ESRRB: variants seen among roughly 807,000 people sequenced by gnomAD.
The protein encoded by ESRRB is estrogen related receptor beta, also known as steroid hormone receptor ERR2.
ESRRB carries 16 observed loss-of-function variants against 46.0 expected under a neutral mutation model. The observed-to-expected ratio is 0.35, with a 90% CI of 0.24 to 0.53. The LOEUF is 0.53. Ranked by LOEUF, ESRRB falls within the 20% of genes least tolerant of loss-of-function variation. The pLI, the probability that ESRRB is intolerant of heterozygous loss-of-function variation, is 0.93. For missense variants in ESRRB, 488 were observed against 607.4 expected (o/e 0.80, Z 2.07); for synonymous variants, 246 against 259.6 (o/e 0.95, Z 0.50).
chr14:76,399,465 C>T (rs762792818), intron 1 of ESRRB, among the ~76,000 whole-genome samples: 7 of 152,094 alleles, frequency 4.6e-5, no homozygotes, highest in African/African-American at 7.2e-5. Flanking sequence ...ATGTCCCCGC[C>T]GCTCATTCCT....
intron 1 of ESRRB, among the ~76,000 whole-genome samples, chr14:76,317,662 A>T (rs915434590): frequency 3.9e-5 from 6 of 152,174 alleles, no homozygotes; most frequent in African/African-American, 1.2e-4. Context: ...GGGCTCCGGT[A>T]GTCGGAAGGA....
intron 5 of ESRRB, among the ~76,000 whole-genome samples, chr14:76,485,657 GAGAA>G (rs1160189676): frequency 4.1e-5 from 6 of 146,750 alleles, no homozygotes; most frequent in African/African-American, 1.0e-4. Flanking sequence ...GAGAGAGAGA[GAGAA>G]AGAAAGAGAG....
intron 1 of ESRRB, among the ~76,000 whole-genome samples, chr14:76,336,722 T>TG (rs1884130685): frequency 6.6e-6 from 1 of 152,128 alleles, no homozygotes; most frequent in Non-Finnish European, 1.5e-5. Context: ...GGCATCTGCC[T>TG]GGGGGGCGAT....
intron 1 of ESRRB, among the ~76,000 whole-genome samples, chr14:76,335,637 A>C (rs1169254271): frequency 1.3e-5 from 2 of 152,160 alleles, no homozygotes; most frequent in Non-Finnish European, 2.9e-5. Flanking sequence ...TGTCTTGTAC[A>C]CAGTGGGTGC....
chr14:76,387,510 C>A (rs537215440), intron 1 of ESRRB, among the ~76,000 whole-genome samples: 24 of 152,208 alleles, frequency 1.6e-4, no homozygotes, highest in Non-Finnish European at 2.8e-4. Context: ...TTCACCTTTC[C>A]GAGCCCTGCT....
In ESRRB at chr14:76,500,108, T is replaced by C. The variant is rs754662305; in HGVS notation, c.*1650T>C. 4 of 1,505,336 alleles carry C rather than the reference T, an allele frequency of 2.7e-6. No individual in the cohort carries two copies. The highest frequency in any genetic ancestry group is 3.6e-6 in the Non-Finnish European group (4 of 1,110,956). The allele number at this position is 1,505,336 out of a possible 1,614,324, so 93.2% of individuals were successfully genotyped here. A position where few individuals can be genotyped will look rare whatever the true frequency, so the allele number is the denominator to read the frequency against. On this transcript the variant is annotated 3_prime_UTR_variant, in exon 7 of 7. Transcript: ENST00000644823. The stretch of plus-strand genomic sequence containing the variant: ...TTTCCATAGAAGCCCTGGTCCCACC[T>C]CCTTGGCTCTACCCCAGGAACCTCC...
At chr14:76,493,607 C>A (rs902691507) in intron 6 of ESRRB, among the ~76,000 whole-genome samples, 1 of 152,224 alleles carries the variant, frequency 6.6e-6, no homozygotes, top group Admixed American at 6.5e-5. Flanking sequence ...AAAGGGAGAA[C>A]TGGCTCCCAG....
intron 1 of ESRRB, among the ~76,000 whole-genome samples, chr14:76,402,939 C>T (rs1241203982): frequency 1.3e-5 from 2 of 152,084 alleles, no homozygotes; most frequent in Non-Finnish European, 2.9e-5. Context: ...CACAGGCATA[C>T]ACCATCACAC....
At chr14:76,403,050 C>T (rs577535301) in intron 1 of ESRRB, among the ~76,000 whole-genome samples, 1 of 152,218 alleles carries the variant, frequency 6.6e-6, no homozygotes, top group East Asian at 1.9e-4. Flanking sequence ...CTTGGCTTCC[C>T]AAAGTGCTGG....
At chr14:76,337,932 C>A (rs941902965) in intron 1 of ESRRB, among the ~76,000 whole-genome samples, 24 of 152,228 alleles carry the variant, frequency 1.6e-4, no homozygotes, top group African/African-American at 5.8e-4. Context: ...GCTTTCCATG[C>A]AAGCTTACAT....
At chr14:76,422,638 A>G (rs191092340) in intron 1 of ESRRB, among the ~76,000 whole-genome samples, 1 of 152,338 alleles carries the variant, frequency 6.6e-6, no homozygotes, top group Admixed American at 6.5e-5. Context: ...ATTTTCGAGC[A>G]CTTACAATGT....
intron 1 of ESRRB, among the ~76,000 whole-genome samples, chr14:76,328,197 T>C (rs1769763887): frequency 1.3e-5 from 2 of 152,308 alleles, no homozygotes; most frequent in South Asian, 4.1e-4. Flanking sequence ...CATGCCAATA[T>C]AGGACCTCAG....
intron 1 of ESRRB, among the ~76,000 whole-genome samples, chr14:76,403,376 G>A (rs1886024132): frequency 6.6e-6 from 1 of 152,088 alleles, no homozygotes; most frequent in Non-Finnish European, 1.5e-5. Context: ...ACAAAACAGA[G>A]GCCTCACCAG....
At chr14:76,367,678 T>A (rs1326734036), upstream of ESRRB, among the ~76,000 whole-genome samples, 1 of 152,044 alleles carries the variant, frequency 6.6e-6, no homozygotes, top group Non-Finnish European at 1.5e-5. Flanking sequence ...GCAAGCCAGA[T>A]CTTAGGCACT....
chr14:76,449,386 A>G (rs1888285366), intron 2 of ESRRB, among the ~76,000 whole-genome samples: 2 of 152,012 alleles, frequency 1.3e-5, no homozygotes, highest in Admixed American at 6.6e-5. Flanking sequence ...CCCCATCTCT[A>G]CTAAAAACAC....
intron 3 of ESRRB, among the ~76,000 whole-genome samples, chr14:76,477,280 A>C (rs55715309): frequency 0.1 from 15,516 of 152,110 alleles, 938 homozygotes; most frequent in East Asian, 0.19. Flanking sequence ...TCCTCTAAGA[A>C]CCCATCGAAT....
chr14:76,354,828 GC>G (rs1884359829), intron 1 of ESRRB, among the ~76,000 whole-genome samples: 2 of 150,932 alleles, frequency 1.3e-5, no homozygotes, highest in African/African-American at 4.9e-5. Context: ...TCCTGCCTCA[GC>G]CTCCTGAGTA....
intron 1 of ESRRB, among the ~76,000 whole-genome samples, chr14:76,396,333 C>G (rs1885680783): frequency 6.6e-6 from 1 of 151,890 alleles, no homozygotes; most frequent in South Asian, 2.1e-4. Flanking sequence ...GCTTTTTAAG[C>G]TCTAAATGCT....
chr14:76,422,133 G>A (rs1475885867), intron 1 of ESRRB, among the ~76,000 whole-genome samples: 1 of 151,932 alleles, frequency 6.6e-6, no homozygotes, highest in Non-Finnish European at 1.5e-5. Flanking sequence ...AGGAGCCTGG[G>A]AGTGACCCCT....
Sources: gnomAD v4.1 joint callset for allele counts (sites outside exome capture counted in the v4.1 genomes callset) on GRCh38, gnomAD v4.1.1 for gene constraint, MANE v1.5 for transcripts, NCBI Gene and HGNC (gene_info 2026-07-23, HGNC 2026-07-21) for gene names.